The following TRHDE variants were observed in gnomAD, a reference collection of about 807,000 sequenced individuals.
The protein encoded by TRHDE is thyrotropin releasing hormone degrading enzyme, also known as thyrotropin-releasing hormone-degrading ectoenzyme.
TRHDE carries 72 observed loss-of-function variants against 125.7 expected under a neutral mutation model. That is an observed-to-expected ratio of 0.57 (90% CI 0.47 to 0.70). TRHDE has a LOEUF of 0.70. Among genes scored for constraint, TRHDE ranks in the 30% least tolerant of loss-of-function variants. The pLI, the probability that TRHDE is intolerant of heterozygous loss-of-function variation, is 0.00. For synonymous variants in TRHDE, 509 were observed against 509.1 expected (o/e 1.00, Z 0.00); for missense variants, 1,110 against 1,327.1 (o/e 0.84, Z 2.54).
At chr12:72,098,466 C>T (rs927674943) in intron 1 of TRHDE, among the ~76,000 whole-genome samples, 1 of 151,892 alleles carries the variant, frequency 6.6e-6, no homozygotes, top group Non-Finnish European at 1.5e-5. Flanking sequence ...TTTCTTCTAT[C>T]CAAAGTGCAT....
chr12:72,410,122 C>T (rs930167618), intron 3 of TRHDE, among the ~76,000 whole-genome samples: 1 of 151,816 alleles, frequency 6.6e-6, no homozygotes, highest in Non-Finnish European at 1.5e-5. Context: ...AATATTAGGG[C>T]TTTATTAATA....
chr12:72,222,453 T>A (rs12370061), intron 2 of TRHDE, among the ~76,000 whole-genome samples: 6,859 of 152,242 alleles, frequency 0.045, 231 homozygotes, highest in Non-Finnish European at 0.07. Context: ...TTTTCAAATG[T>A]TAGCATGTGT....
intron 7 of TRHDE, among the ~76,000 whole-genome samples, chr12:72,560,362 ATTATG>A (rs1313326299): frequency 5.9e-5 from 9 of 152,208 alleles, no homozygotes; most frequent in Admixed American, 4.6e-4. Flanking sequence ...GTCAACTCAT[ATTATG>A]AATAGTTAGA....
chr12:72,390,603 A>G (rs1331126485), intron 3 of TRHDE, among the ~76,000 whole-genome samples: 1 of 152,216 alleles, frequency 6.6e-6, no homozygotes, highest in African/African-American at 2.4e-5. Context: ...TATGTAAGAG[A>G]GAAATAGTCA....
intron 2 of TRHDE, among the ~76,000 whole-genome samples, chr12:72,352,393 A>G (rs949214297): frequency 1.6e-4 from 25 of 151,830 alleles, no homozygotes; most frequent in Admixed American, 1.6e-3. Context: ...CATCATTTAA[A>G]AAAATTCAAC....
At chr12:72,187,940 T>G (rs1877260878) in intron 2 of TRHDE, among the ~76,000 whole-genome samples, 1 of 152,218 alleles carries the variant, frequency 6.6e-6, no homozygotes, top group Non-Finnish European at 1.5e-5. Context: ...AGGGGTCTAT[T>G]ATACACATTA....
chr12:72,274,700 C>A (rs1239167650), intron 1 of TRHDE: 1 of 152,160 alleles, frequency 6.6e-6, no homozygotes, highest in Non-Finnish European at 1.5e-5. Flanking sequence ...CGGATTTAGA[C>A]CCAGGGAGTC....
chr12:72,303,226 A>T (rs1233467801), intron 2 of TRHDE: 1 of 152,194 alleles, frequency 6.6e-6, no homozygotes, highest in Non-Finnish European at 1.5e-5. Context: ...GATGTTAGGA[A>T]TTAAAACAAA....
intron 6 of TRHDE, among the ~76,000 whole-genome samples, chr12:72,517,788 AT>A (rs1311598182): frequency 6.6e-6 from 1 of 151,470 alleles, no homozygotes. Context: ...ATTTAGTGCT[AT>A]AAATTTCCCT....
chr12:72,231,009 A>G (rs1370095099), intron 2 of TRHDE, among the ~76,000 whole-genome samples: 1 of 152,190 alleles, frequency 6.6e-6, no homozygotes, highest in African/African-American at 2.4e-5. Flanking sequence ...AACAAAAATG[A>G]TGTTGTCATT....
At chr12:72,106,323 A>G (rs1483066951) in intron 2 of TRHDE, among the ~76,000 whole-genome samples, 3 of 152,210 alleles carry the variant, frequency 2.0e-5, no homozygotes, top group Non-Finnish European at 2.9e-5. Context: ...ATTTTATTCA[A>G]TAAATGTGAA....
rs530861912 is a variant in TRHDE at position 72,334,083 on chromosome 12, A to T, written c.1189-43912A>T. Among the ~76,000 whole-genome samples, 239 of 152,298 alleles carry T rather than the reference A, an allele frequency of 1.6e-3. 2 individuals are homozygous for T. The highest frequency in any genetic ancestry group is 5.5e-3 in the African/African-American group (227 of 41,582). On this transcript the variant is annotated intron_variant, in intron 2 of 18. Coordinates refer to ENST00000261180, the MANE Select transcript of TRHDE (RefSeq NM_013381.3). Reference sequence around the variant, plus strand: ...TTGAAAGTGGAGAGAGAAGAGCAGCAGTGGCTTCTACCATTATAATTGCAT... The same window carrying T: ...TTGAAAGTGGAGAGAGAAGAGCAGCTGTGGCTTCTACCATTATAATTGCAT...
At chr12:72,578,463 G>A (rs572720158) in intron 12 of TRHDE, among the ~76,000 whole-genome samples, 7 of 152,162 alleles carry the variant, frequency 4.6e-5, no homozygotes, top group Non-Finnish European at 1.0e-4. Flanking sequence ...TTGAAAAAAT[G>A]TATGATTTTA....
At position 72,597,707 on chromosome 12, in the gene TRHDE, GTGTATGTATATATA is replaced by G. The variant is rs1179260281; in HGVS notation, c.2322-21182_2322-21169del. Among the ~76,000 whole-genome samples the G allele has an allele frequency of 2.9e-4, 14 of 47,638 alleles. 1 individual carries two copies. The highest frequency in any genetic ancestry group is 2.4e-3 in the African/African-American group (14 of 5,888). 31.3% of individuals were successfully genotyped at this position (47,638 alleles called of 152,430 possible). On this transcript the variant is annotated intron_variant, in intron 12 of 18. Coordinates refer to ENST00000261180, the MANE Select transcript of TRHDE (RefSeq NM_013381.3). ...CTAAGAGAGGTATATATATGTGTGT[GTGTATGTATATATA>G]TATATATATATATATATATATATAT...
chr12:72,508,138 T>C (rs913769049), intron 6 of TRHDE, among the ~76,000 whole-genome samples: 2 of 152,120 alleles, frequency 1.3e-5, no homozygotes, highest in African/African-American at 4.8e-5. Flanking sequence ...AGAGAATCTC[T>C]ACTAGGGCAG....
intron 2 of TRHDE, among the ~76,000 whole-genome samples, chr12:72,176,645 G>A (rs987955894): frequency 6.6e-6 from 1 of 152,138 alleles, no homozygotes; most frequent in African/African-American, 2.4e-5. Context: ...ACGTGTAGCC[G>A]ATGTTATCTT....
intron 6 of TRHDE, among the ~76,000 whole-genome samples, chr12:72,541,464 A>G (rs986193650): frequency 6.6e-6 from 1 of 151,414 alleles, no homozygotes; most frequent in Non-Finnish European, 1.5e-5. Context: ...TCAAATTAGT[A>G]TTTTCTTCTA....
At chr12:72,571,991 A>ACACACG (rs1870757438) in intron 10 of TRHDE, among the ~76,000 whole-genome samples, 1 of 150,672 alleles carries the variant, frequency 6.6e-6, no homozygotes, top group Admixed American at 6.6e-5. Context: ...ACACACACAC[A>ACACACG]CACACACACA....
chr12:72,126,563 A>G (rs546121938), intron 2 of TRHDE, among the ~76,000 whole-genome samples: 2 of 152,346 alleles, frequency 1.3e-5, no homozygotes, highest in East Asian at 3.9e-4. Flanking sequence ...ACCTACAGCC[A>G]TCTGATCTTT....
Sources: allele counts gnomAD v4.1 joint callset (sites outside exome capture counted in the v4.1 genomes callset), GRCh38; gene constraint gnomAD v4.1.1; transcripts MANE v1.5; gene names NCBI Gene and HGNC (gene_info 2026-07-23, HGNC 2026-07-21).